The following TMEM232 variants were observed in gnomAD, a reference collection of about 807,000 sequenced individuals.
TMEM232 encodes the protein transmembrane protein 232.
Under a neutral mutation model 78.8 loss-of-function variants are expected in TMEM232, and 80 were observed. The observed-to-expected ratio is 1.01, with a 90% CI of 0.85 to 1.22. The LOEUF is 1.22. Ranked by LOEUF, TMEM232 falls within the 50% of genes most tolerant of loss-of-function variation. The pLI, the probability that TMEM232 is intolerant of heterozygous loss-of-function variation, is 0.00. For missense variants in TMEM232, 881 were observed against 742.2 expected, an observed-to-expected ratio of 1.19 and a Z score of -2.17; for synonymous variants, 297 against 254.3, an observed-to-expected ratio of 1.17 and a Z score of -1.60.
Position 110,508,806 on chromosome 5 carries a change from G to C in TMEM232, c.1703+19782C>G, listed in dbSNP as rs534310267. On this transcript the variant is annotated intron_variant, in intron 12 of 13. Transcript: ENST00000455884. Reference sequence around the variant, plus strand: ...ATATGCTTTGTTTATTGGATAAACTGATTGAGGAAATACACAATGCCACTG... The same window carrying C: ...ATATGCTTTGTTTATTGGATAAACTCATTGAGGAAATACACAATGCCACTG... Among the ~76,000 whole-genome samples, 4 of 146,290 alleles carry C rather than the reference G, an allele frequency of 2.7e-5. No individual in the cohort carries two copies. In the Admixed American group the frequency reaches 2.8e-4, roughly 10 times the overall value.
chr5:110,719,519 T>C, intron 1 of TMEM232, among the ~76,000 whole-genome samples: 1 of 152,098 alleles, frequency 6.6e-6, no homozygotes, highest in Non-Finnish European at 1.5e-5. Flanking sequence ...TGAGTCACAC[T>C]TTCTCGCTTC....
chr5:110,476,968 C>T (rs373613994), intron 12 of TMEM232, among the ~76,000 whole-genome samples: 1 of 151,928 alleles, frequency 6.6e-6, no homozygotes, highest in Non-Finnish European at 1.5e-5. Flanking sequence ...AGTATTAAGA[C>T]AGCCAGCAAA....
intron 5 of TMEM232, among the ~76,000 whole-genome samples, chr5:110,633,621 C>A (rs774534022): frequency 9.9e-5 from 15 of 152,114 alleles, no homozygotes; most frequent in Admixed American, 2.0e-4. Context: ...TCACCCTTTG[C>A]TCTCTCTTTC....
intron 2 of TMEM232, among the ~76,000 whole-genome samples, chr5:110,662,840 T>C (rs191253384): frequency 1.3e-5 from 2 of 152,166 alleles, no homozygotes; most frequent in East Asian, 3.9e-4. Context: ...ACATAGATTA[T>C]AGACATGAAA....
chr5:110,643,350 C>T (rs992197397), intron 2 of TMEM232, among the ~76,000 whole-genome samples: 3 of 151,784 alleles, frequency 2.0e-5, no homozygotes, highest in Non-Finnish European at 4.4e-5. Context: ...AAAATTCAGA[C>T]AAGATATACC....
At chr5:110,440,951 G>A (rs1388211899) in intron 12 of TMEM232, among the ~76,000 whole-genome samples, 1 of 152,126 alleles carries the variant, frequency 6.6e-6, no homozygotes, top group Non-Finnish European at 1.5e-5. Flanking sequence ...TGATGACCTA[G>A]GAATCTAGGC....
chr5:110,562,851 T>C (rs1775905725), intron 11 of TMEM232, among the ~76,000 whole-genome samples: 1 of 152,010 alleles, frequency 6.6e-6, no homozygotes, highest in African/African-American at 2.4e-5. Flanking sequence ...CTAAATTAAG[T>C]GATTTTTTCA....
At chr5:110,407,948 T>C (rs980002883) in intron 2 of TMEM232, among the ~76,000 whole-genome samples, 2 of 152,056 alleles carry the variant, frequency 1.3e-5, no homozygotes, top group Non-Finnish European at 2.9e-5. Flanking sequence ...ATACACAACC[T>C]TGGAAATTAA....
In TMEM232 at chr5:110,618,437, C is replaced by T; in HGVS notation, c.894G>A (p.Lys298=). 3.2e-6 allele frequency: 5 copies of T among 1,550,448 alleles called. No homozygotes were observed. The highest frequency in any genetic ancestry group is 4.4e-6 in the Non-Finnish European group (5 of 1,146,576). Residue 298 remains lysine, a synonymous_variant, in exon 8 of 14, where the codon AAG becomes AAA. Transcript: ENST00000455884. ...TATAGGATCACTCTTACCAGCATTT[C>T]TTTTGAAGCTGTGTCTTATGGAAGA... is the stretch of plus-strand genomic sequence containing the variant. ...HLVFHKTQLQ[K]KCWLDSVLAL...
At chr5:110,521,710 T>C (rs1489324337) in intron 12 of TMEM232, among the ~76,000 whole-genome samples, 1 of 152,176 alleles carries the variant, frequency 6.6e-6, no homozygotes, top group Non-Finnish European at 1.5e-5. Context: ...GAAGAGAATC[T>C]TCTTTCTCTG....
At chr5:110,650,266 C>A (rs1788120987) in intron 2 of TMEM232, among the ~76,000 whole-genome samples, 1 of 152,006 alleles carries the variant, frequency 6.6e-6, no homozygotes, top group South Asian at 2.1e-4. Context: ...CAATAGTATA[C>A]AAACAGAAAT....
At chr5:110,578,624 C>CTTCATCCCA (rs1163904171) in intron 10 of TMEM232, among the ~76,000 whole-genome samples, 1 of 151,892 alleles carries the variant, frequency 6.6e-6, no homozygotes, top group Non-Finnish European at 1.5e-5. Context: ...ATATTTCCTA[C>CTTCATCCCA]TTCATCCCAT....
At chr5:110,625,552 T>C (rs1784322533) in intron 6 of TMEM232, 119 bp from the exon 7 acceptor site, 1 of 914,038 alleles carries the variant, frequency 1.1e-6, no homozygotes, top group Non-Finnish European at 1.5e-6. Context: ...AAACTGCTAG[T>C]TTCCTATTTA....
rs77108951 is a variant in TMEM232, at chr5:110,458,967, T to G, written c.1704-34051A>C. Among the ~76,000 whole-genome samples, 973 of 152,276 alleles carry G rather than the reference T, an allele frequency of 6.4e-3. 9 individuals are homozygous for G. Among genetic ancestry groups the G allele is most frequent in the East Asian group, 0.043 (221 of 5,170 alleles). On this transcript the variant is annotated intron_variant, in intron 12 of 13. Transcript: ENST00000455884. ...TTTTTTCTTCTTACTTTCAGCTTTA[T>G]GTAGTATATCAAACAAAAATTAATG...
Position 110,456,385 on chromosome 5 carries a change from A to G in TMEM232, c.1704-31469T>C, listed in dbSNP as rs541648994. 3.0e-4 allele frequency among the ~76,000 whole-genome samples: 46 copies of G among 152,246 alleles called. 1 individual carries two copies. The highest frequency in any genetic ancestry group is 1.1e-3 in the African/African-American group (46 of 41,590). On this transcript the variant is annotated intron_variant, in intron 12 of 13. Transcript: ENST00000455884. Reference sequence around the variant, plus strand: ...TATGCAACAAAGTAAAAAAATTGATAAAAGAAATCAAAACAGATCTAAATA... The same window carrying G: ...TATGCAACAAAGTAAAAAAATTGATGAAAGAAATCAAAACAGATCTAAATA...
intron 2 of TMEM232, among the ~76,000 whole-genome samples, chr5:110,664,330 A>G (rs1191827867): frequency 1.3e-5 from 2 of 152,228 alleles, no homozygotes; most frequent in East Asian, 3.8e-4. Context: ...GATTAAAGTT[A>G]AAATGTAGCA....
intron 10 of TMEM232, among the ~76,000 whole-genome samples, chr5:110,569,307 G>A (rs1226829776): frequency 6.6e-6 from 1 of 151,784 alleles, no homozygotes; most frequent in Non-Finnish European, 1.5e-5. Flanking sequence ...AAAGGAGAAA[G>A]ACATTCCTAT....
At chr5:110,587,677 ATATATATATATATATGTGTG>A (rs1279494999) in intron 10 of TMEM232, among the ~76,000 whole-genome samples, 27 of 96,598 alleles carry the variant, frequency 2.8e-4, no homozygotes, top group African/African-American at 1.3e-3. Flanking sequence ...ATATATATAT[ATATATATATATATATGTGTG>A]TGTGTGTGTG....
intron 10 of TMEM232, among the ~76,000 whole-genome samples, chr5:110,590,334 G>A (rs1293554359): frequency 2.6e-5 from 4 of 152,050 alleles, no homozygotes; most frequent in Non-Finnish European, 5.9e-5. Context: ...CTACCAGTCC[G>A]TGTCCTGTTA....
Sources: allele counts gnomAD v4.1 joint callset (sites outside exome capture counted in the v4.1 genomes callset), GRCh38; gene constraint gnomAD v4.1.1; transcripts MANE v1.5; gene names NCBI Gene and HGNC (gene_info 2026-07-23, HGNC 2026-07-21).